Variants in DACH1 observed in about 807,000 individuals in gnomAD.
DACH1 encodes dachshund family transcription factor 1, also known as dachshund homolog 1.
Under a neutral mutation model 54.2 loss-of-function variants are expected in DACH1, and 12 were observed. That is an observed-to-expected ratio of 0.22 (90% CI 0.14 to 0.36). The LOEUF (loss-of-function observed/expected upper bound fraction) is 0.36, where lower values mean the gene tolerates loss of function less well. DACH1 is among the 10% of genes least tolerant of loss of function. The pLI is 1.00. For missense variants in DACH1, 805 were observed against 929.8 expected (o/e 0.87, Z 1.75); for synonymous variants, 386 against 366.2 (o/e 1.05, Z -0.62).
At chr13:71,540,051 T>C (rs1227608911) in intron 6 of DACH1, among the ~76,000 whole-genome samples, 1 of 152,022 alleles carries the variant, frequency 6.6e-6, no homozygotes, top group African/African-American at 2.4e-5. Flanking sequence ...AATTTAGGCT[T>C]CCATGTCATT....
At chr13:71,845,073 A>G (rs536201697) in intron 1 of DACH1, among the ~76,000 whole-genome samples, 2 of 152,256 alleles carry the variant, frequency 1.3e-5, no homozygotes, top group African/African-American at 2.4e-5. Context: ...ATAGTTAATA[A>G]TATGTGATAT....
At chr13:71,675,273 T>G (rs966740098) in intron 2 of DACH1, 3 of 1,598,186 alleles carry the variant, frequency 1.9e-6, no homozygotes, top group Admixed American at 3.3e-5. Context: ...CCTTCCAGAG[T>G]CTGGTGCGAG....
chr13:71,580,350 T>C (rs1394133032), intron 3 of DACH1, among the ~76,000 whole-genome samples: 5 of 152,204 alleles, frequency 3.3e-5, no homozygotes, highest in Non-Finnish European at 1.5e-5. Context: ...CTAGAAATTC[T>C]TTCTCTAAGG....
chr13:71,561,919 T>C (rs533929880), intron 4 of DACH1, among the ~76,000 whole-genome samples: 11 of 151,034 alleles, frequency 7.3e-5, no homozygotes, highest in African/African-American at 2.7e-4. Context: ...TTTTCCCAAA[T>C]CCATGTCATA....
chr13:71,603,739 A>G (rs1874677191), intron 3 of DACH1, among the ~76,000 whole-genome samples: 1 of 151,960 alleles, frequency 6.6e-6, no homozygotes, highest in Admixed American at 6.6e-5. Context: ...TAAATTACCT[A>G]TCAAGAAAAA....
intron 1 of DACH1, among the ~76,000 whole-genome samples, chr13:71,768,473 A>G (rs9572786): frequency 0.42 from 64,410 of 151,720 alleles, 14,524 homozygotes; most frequent in East Asian, 0.86. Context: ...CTTTCTTATG[A>G]TGAAAACATA....
intron 6 of DACH1, among the ~76,000 whole-genome samples, chr13:71,550,617 T>C (rs1417026013): frequency 1.3e-5 from 2 of 152,156 alleles, no homozygotes; most frequent in Non-Finnish European, 2.9e-5. Flanking sequence ...TCAATTGTCA[T>C]TGAAATATTA....
At chr13:71,823,052 C>T (rs1212660066) in intron 1 of DACH1, among the ~76,000 whole-genome samples, 1 of 151,882 alleles carries the variant, frequency 6.6e-6, no homozygotes, top group Non-Finnish European at 1.5e-5. Flanking sequence ...GGTGGCATGC[C>T]CTGACTCATT....
intron 6 of DACH1, among the ~76,000 whole-genome samples, chr13:71,498,663 A>AT (rs1379890584): frequency 0.019 from 581 of 29,932 alleles, 2 homozygotes; most frequent in Non-Finnish European, 0.11. Flanking sequence ...AGAAGAAAAA[A>AT]AAAAAAAACC....
chr13:71,726,409 T>G (rs1337347333), intron 1 of DACH1, among the ~76,000 whole-genome samples: 1 of 152,086 alleles, frequency 6.6e-6, no homozygotes, highest in Non-Finnish European at 1.5e-5. Flanking sequence ...ACGCTTTAAA[T>G]GTAAGAAATA....
intron 1 of DACH1, among the ~76,000 whole-genome samples, chr13:71,815,553 G>T (rs1887882848): frequency 3.3e-5 from 5 of 152,248 alleles, no homozygotes; most frequent in South Asian, 2.1e-4. Context: ...AATTGAAAAA[G>T]GTATTGAAGA....
At chr13:71,556,476 A>AT (rs765895299) in intron 6 of DACH1, among the ~76,000 whole-genome samples, 4 of 152,276 alleles carry the variant, frequency 2.6e-5, no homozygotes, top group Non-Finnish European at 5.9e-5. Flanking sequence ...GAAAATACAC[A>AT]TTTTTGCCTG....
chr13:71,705,092 CATAT>C (rs1882367074), intron 1 of DACH1, among the ~76,000 whole-genome samples: 1 of 152,086 alleles, frequency 6.6e-6, no homozygotes, highest in African/African-American at 2.4e-5. Flanking sequence ...TTTCCTAGCA[CATAT>C]ATAAAGAGTG....
At chr13:71,470,313 CTTTT>C (rs67360461) in intron 10 of DACH1, among the ~76,000 whole-genome samples, 1 of 139,436 alleles carries the variant, frequency 7.2e-6, no homozygotes, top group Non-Finnish European at 1.6e-5. Context: ...TCTGTTTTTT[CTTTT>C]TTTTTTTTTG....
intron 1 of DACH1, among the ~76,000 whole-genome samples, chr13:71,717,256 A>T (rs1883016042): frequency 6.6e-6 from 1 of 152,192 alleles, no homozygotes; most frequent in Admixed American, 6.6e-5. Context: ...CAGAATATTA[A>T]GTCATCATTG....
At chr13:71,748,906 T>C (rs865902034) in intron 1 of DACH1, among the ~76,000 whole-genome samples, 4,206 of 34,660 alleles carry the variant, frequency 0.12, 367 homozygotes, top group African/African-American at 0.22. Flanking sequence ...TTCTCTTTCT[T>C]TCTTTCTTTC....
At chr13:71,661,749 C>T (rs1879503207) in intron 2 of DACH1, among the ~76,000 whole-genome samples, 2 of 151,946 alleles carry the variant, frequency 1.3e-5, no homozygotes, top group Admixed American at 6.6e-5. Context: ...CCCTGTACAA[C>T]ACACCTGGGA....
chr13:71,690,428 C>G (rs1282317214), intron 1 of DACH1, among the ~76,000 whole-genome samples: 1 of 152,010 alleles, frequency 6.6e-6, no homozygotes, highest in African/African-American at 2.4e-5. Flanking sequence ...TCTTCCAGGC[C>G]ACATATGATT....
chr13:71,565,744 C>T (rs146418296), intron 4 of DACH1, among the ~76,000 whole-genome samples: 3 of 152,196 alleles, frequency 2.0e-5, no homozygotes, highest in Admixed American at 6.5e-5. Flanking sequence ...TGGCAAGACC[C>T]CGTGAAACAA....
Sources: allele counts gnomAD v4.1 joint callset (sites outside exome capture counted in the v4.1 genomes callset), GRCh38; gene constraint gnomAD v4.1.1; transcripts MANE v1.5; gene names NCBI Gene and HGNC (gene_info 2026-07-23, HGNC 2026-07-21).